Variants in CUL3 observed in about 807,000 individuals in gnomAD.
CUL3 encodes the protein cullin 3.
Under a neutral mutation model 89.1 loss-of-function variants are expected in CUL3, and 19 were observed. The observed-to-expected ratio is 0.21, with a 90% confidence interval of 0.15 to 0.31. The LOEUF (loss-of-function observed/expected upper bound fraction) is 0.31, where lower values mean the gene tolerates loss of function less well. Ranked by LOEUF, CUL3 falls within the 10% of genes least tolerant of loss-of-function variation. CUL3 has a pLI of 1.00. For synonymous variants in CUL3, 351 were observed against 308.4 expected (o/e 1.14, Z -1.45); for missense variants, 469 against 942.3 (o/e 0.50, Z 6.58).
chr2:224,495,805 T>A, intron 13 of CUL3, 27 bp downstream of exon 13: 2 of 1,574,770 alleles, frequency 1.3e-6, no homozygotes, highest in Non-Finnish European at 1.7e-6. Context: ...ACAACACAGT[T>A]AAAATGTATA....
Position 224,472,337 on chromosome 2 carries a change from A to C in CUL3, c.*1908T>G. On this transcript the variant is annotated 3_prime_UTR_variant, in exon 16 of 16. Coordinates refer to ENST00000264414, the MANE Select transcript of CUL3 (RefSeq NM_003590.5). Reference sequence around the variant, plus strand: ...AGGAGATTTCAAATAAAGTTTTTACATCGCTCATGTTTACTAACTCGACAA... The same window carrying C: ...AGGAGATTTCAAATAAAGTTTTTACCTCGCTCATGTTTACTAACTCGACAA... 4.7e-6 allele frequency: 1 copy of C among 211,388 alleles called. No homozygotes were observed. Among genetic ancestry groups the C allele is most frequent in the Non-Finnish European group, 9.6e-6 (1 of 104,390 alleles). 13.1% of individuals were successfully genotyped at this position (211,388 alleles called of 1,614,324 possible).
chr2:224,508,961 C>CAAAAGAAA (rs1692710109), intron 6 of CUL3, among the ~76,000 whole-genome samples: 1 of 112,892 alleles, frequency 8.9e-6, no homozygotes, highest in African/African-American at 3.9e-5. Flanking sequence ...GACTTCGTCT[C>CAAAAGAAA]AAAAAAAAAA....
chr2:224,473,009 G>A lies in CUL3; in HGVS notation c.*1236C>T, dbSNP rs1384967994. ...TGAAACAAAATTAAATAAAATTGAAGATAAAAATACTCTGGAAGCACAGGA... is the reference window on the plus strand; with the variant it reads ...TGAAACAAAATTAAATAAAATTGAAAATAAAAATACTCTGGAAGCACAGGA... On this transcript the variant is annotated 3_prime_UTR_variant, in exon 16 of 16. Transcript: ENST00000264414. 1.5e-5 allele frequency: 3 copies of A among 199,460 alleles called. No individual in the cohort carries two copies. Among genetic ancestry groups the A allele is most frequent in the African/African-American group, 6.9e-5 (3 of 43,470 alleles). 12.4% of individuals were successfully genotyped at this position (199,460 alleles called of 1,614,324 possible). A position where few individuals can be genotyped will look rare whatever the true frequency, so the allele number is the denominator to read the frequency against.
chr2:224,553,315 A>C (rs1694584408), intron 2 of CUL3, among the ~76,000 whole-genome samples: 1 of 152,244 alleles, frequency 6.6e-6, no homozygotes, highest in African/African-American at 2.4e-5. Flanking sequence ...AAATTGCTAC[A>C]TTTCCTAGTC....
chr2:224,529,730 G>A (rs1212197781), intron 3 of CUL3, among the ~76,000 whole-genome samples: 1 of 152,160 alleles, frequency 6.6e-6, no homozygotes, highest in East Asian at 1.9e-4. Flanking sequence ...AGGAAGGGGT[G>A]GAGTGGCAGA....
Position 224,478,505 on chromosome 2 carries a change from G to C in CUL3, c.2030-160C>G, listed in dbSNP as rs550387881. The C allele has an allele frequency of 1.3e-5, 6 of 477,846 alleles. No individual in the cohort carries two copies. In the Admixed American group the frequency reaches 1.6e-4, roughly 12 times the overall value. The allele number at this position is 477,846 out of a possible 1,614,324, so 29.6% of individuals were successfully genotyped here. On this transcript the variant is annotated intron_variant, in intron 14 of 15. Transcript: ENST00000264414. ...GTACGCATTCAGAAACTGTCTTAATGTTTACTTGAATACTAAATTATCCTT... is the reference window on the plus strand; with the variant it reads ...GTACGCATTCAGAAACTGTCTTAATCTTTACTTGAATACTAAATTATCCTT...
In CUL3 at chr2:224,561,555, T is replaced by C. The variant is rs200827074; in HGVS notation, c.67-3699A>G. Among the ~76,000 whole-genome samples the C allele has an allele frequency of 3.9e-5, 6 of 152,224 alleles. 1 individual carries two copies. In the East Asian group the frequency reaches 9.6e-4, roughly 24 times the overall value. On this transcript the variant is annotated intron_variant, in intron 1 of 15. Transcript: ENST00000264414. ...ACTGAATCTTGTTATTCTGATCTTT[T>C]CTGAAGAGCTTGAGAAGGAACTTTA...
At chr2:224,546,676 G>GA (rs1553533900) in intron 2 of CUL3, among the ~76,000 whole-genome samples, 1 of 151,538 alleles carries the variant, frequency 6.6e-6, no homozygotes, top group Admixed American at 6.6e-5. Context: ...ATGGGGGGGG[G>GA]TACTTGCCCT....
intron 3 of CUL3, among the ~76,000 whole-genome samples, chr2:224,530,644 T>C (rs1213625441): frequency 2.0e-5 from 3 of 152,232 alleles, no homozygotes; most frequent in Admixed American, 6.5e-5. Flanking sequence ...CAGTGGCTCA[T>C]GCCTGTAAGC....
In CUL3 at chr2:224,471,979, G is replaced by A. The variant is rs528431659; in HGVS notation, c.*2266C>T. 7.4e-5 allele frequency: 17 copies of A among 231,106 alleles called. No homozygotes were observed. Among genetic ancestry groups the A allele is most frequent in the African/African-American group, 3.5e-4 (16 of 45,378 alleles). 14.3% of individuals were successfully genotyped at this position (231,106 alleles called of 1,614,324 possible). ...AAAACTGAGAAAAAATAGCATCTGTGACCTCTTGCTAAAAAGAAAGCAATG... is the reference window on the plus strand; with the variant it reads ...AAAACTGAGAAAAAATAGCATCTGTAACCTCTTGCTAAAAAGAAAGCAATG... On this transcript the variant is annotated 3_prime_UTR_variant, in exon 16 of 16. Transcript: ENST00000264414.
At chr2:224,551,254 G>A (rs1163097459) in intron 2 of CUL3, among the ~76,000 whole-genome samples, 1 of 147,786 alleles carries the variant, frequency 6.8e-6, no homozygotes, top group African/African-American at 2.5e-5. Flanking sequence ...CGCCCAGGCT[G>A]GAGTGCAGTG....
chr2:224,563,141 CAG>C, intron 1 of CUL3: 1 of 417,582 alleles, frequency 2.4e-6, no homozygotes, highest in Non-Finnish European at 4.9e-6. Context: ...AGCAAATATA[CAG>C]ATATGAGCTA....
chr2:224,537,547 C>G (rs1574669825), intron 2 of CUL3, among the ~76,000 whole-genome samples: 1 of 152,096 alleles, frequency 6.6e-6, no homozygotes, highest in East Asian at 1.9e-4. Flanking sequence ...TTAAATCTAG[C>G]ACTTGTCAGA....
Position 224,511,416 on chromosome 2 carries a change from T to C in CUL3, c.821A>G (p.Lys274Arg), listed in dbSNP as rs758493684. Residue 274 changes from lysine (K) to arginine (R), a missense_variant, in exon 6 of 16, where the codon AAG becomes AGG. Physicochemically the swap from Lys to Arg is conservative, Grantham distance 26. Coordinates refer to ENST00000264414, the MANE Select transcript of CUL3 (RefSeq NM_003590.5). ...VERELISKHM[K>R]TIVEMENSGL... ...AGAATTCTCCATTTCTACTATAGTC[T>C]TCATGTGCTTGGAAATGAGTTCCCT... The C allele has an allele frequency of 3.7e-6, 6 of 1,613,836 alleles. No individual in the cohort carries two copies. In the East Asian group the frequency reaches 1.3e-4, roughly 36 times the overall value.
chr2:224,497,032 T>C (rs1370325210), intron 12 of CUL3, among the ~76,000 whole-genome samples: 1 of 152,178 alleles, frequency 6.6e-6, no homozygotes, highest in Non-Finnish European at 1.5e-5. Flanking sequence ...TAGAATATTT[T>C]TATGGGCATT....
At chr2:224,567,269 G>T (rs539860598) in intron 1 of CUL3, among the ~76,000 whole-genome samples, 1 of 152,206 alleles carries the variant, frequency 6.6e-6, no homozygotes, top group Non-Finnish European at 1.5e-5. Context: ...CAAGGCTGGA[G>T]TGCAGAGGTG....
At chr2:224,579,977 A>G (rs1343421502) in intron 1 of CUL3, among the ~76,000 whole-genome samples, 1 of 152,214 alleles carries the variant, frequency 6.6e-6, no homozygotes, top group Non-Finnish European at 1.5e-5. Flanking sequence ...AAAGATAAAG[A>G]TAATAAAAGG....
rs925441859 is a variant in CUL3, at chr2:224,470,266, TAAA to T, written c.*3976_*3978del. ...TGAAATTTGACAATTTCATTGTTAC[TAAA>T]AAATACACGTTTACTTTGAGCTGCT... is the stretch of plus-strand genomic sequence containing the variant. On this transcript the variant is annotated 3_prime_UTR_variant, in exon 16 of 16. Transcript: ENST00000264414. 9.0e-6 allele frequency: 2 copies of T among 221,330 alleles called. No homozygotes were observed. Among genetic ancestry groups the T allele is most frequent in the African/African-American group, 4.5e-5 (2 of 44,640 alleles). The allele number at this position is 221,330 out of a possible 1,614,324, so 13.7% of individuals were successfully genotyped here.
chr2:224,502,867 T>G lies in CUL3; in HGVS notation c.1485+98A>C, dbSNP rs544320914. 14 of 807,836 alleles carry G rather than the reference T, an allele frequency of 1.7e-5. No homozygotes were observed. The East Asian group carries it at 3.2e-4, about 18-fold the overall frequency. The allele number at this position is 807,836 out of a possible 1,614,324, so 50.0% of individuals were successfully genotyped here. A position where few individuals can be genotyped will look rare whatever the true frequency, so the allele number is the denominator to read the frequency against. ...AAAACACATGTTGTCACTAATGACA[T>G]TTAAAGAAACAACTGTCATCTGCTA... On this transcript the variant is annotated intron_variant, in intron 10 of 15. Coordinates refer to ENST00000264414, the MANE Select transcript of CUL3 (RefSeq NM_003590.5).
Sources: gnomAD v4.1 joint callset for allele counts (sites outside exome capture counted in the v4.1 genomes callset) on GRCh38, gnomAD v4.1.1 for gene constraint, MANE v1.5 for transcripts, NCBI Gene and HGNC (gene_info 2026-07-23, HGNC 2026-07-21) for gene names.